KCNG3: variants seen among roughly 807,000 people sequenced by gnomAD.
KCNG3 encodes voltage-gated potassium channel regulatory subunit KCNG3.
A neutral mutation model predicts 29.0 loss-of-function variants in KCNG3; 15 were observed. The observed-to-expected ratio is 0.52, with a 90% confidence interval of 0.35 to 0.80. The LOEUF (loss-of-function observed/expected upper bound fraction) is 0.80, where lower values mean the gene tolerates loss of function less well. Among genes scored for constraint, KCNG3 ranks in the 30% least tolerant of loss-of-function variants. KCNG3 has a pLI of 0.01. For synonymous variants in KCNG3, 322 were observed against 248.9 expected (o/e 1.29, Z -2.76); for missense variants, 512 against 605.7 (o/e 0.85, Z 1.62).
the KCNG3 span, among the ~76,000 whole-genome samples, chr2:42,417,533 G>C: frequency 6.6e-6 from 1 of 152,082 alleles, no homozygotes; most frequent in Non-Finnish European, 1.5e-5. Context: ...TGTTGCCCAG[G>C]CTGGTCTTGA....
chr2:42,446,181 A>T (rs1301538019), intron 1 of KCNG3, among the ~76,000 whole-genome samples: 5 of 149,996 alleles, frequency 3.3e-5, no homozygotes, highest in Non-Finnish European at 5.9e-5. Context: ...AACATTTTTT[A>T]TTTTTTTTTA....
At chr2:42,472,953 G>A (rs1410147892) in intron 1 of KCNG3, among the ~76,000 whole-genome samples, 1 of 145,568 alleles carries the variant, frequency 6.9e-6, no homozygotes, top group Non-Finnish European at 1.5e-5. Flanking sequence ...CCAGGCTGGA[G>A]TGCAGTGGCG....
At chr2:42,410,626 C>T in the KCNG3 span, among the ~76,000 whole-genome samples, 1 of 152,014 alleles carries the variant, frequency 6.6e-6, no homozygotes, top group African/African-American at 2.4e-5. Context: ...TGTTCATATG[C>T]TTTGCTCATT....
At chr2:42,491,223 T>C (rs1468299042) in intron 1 of KCNG3, among the ~76,000 whole-genome samples, 1 of 152,208 alleles carries the variant, frequency 6.6e-6, no homozygotes, top group African/African-American at 2.4e-5. Context: ...CTAAAATTAC[T>C]ATGCATTTCT....
chr2:42,402,623 G>A, the KCNG3 span, among the ~76,000 whole-genome samples: 298 of 152,260 alleles, frequency 2.0e-3, no homozygotes, highest in African/African-American at 6.6e-3. Context: ...TCTTTTTATA[G>A]AAAGTCAATT....
chr2:42,433,812 A>G, the KCNG3 span, among the ~76,000 whole-genome samples: 1 of 152,070 alleles, frequency 6.6e-6, no homozygotes, highest in Non-Finnish European at 1.5e-5. Context: ...AGAAAAGGTA[A>G]TTTCTTCTCT....
the KCNG3 span, among the ~76,000 whole-genome samples, chr2:42,402,289 G>A: frequency 6.0e-4 from 91 of 152,284 alleles, 1 homozygote; most frequent in African/African-American, 2.1e-3. Flanking sequence ...GGGGCTTTTT[G>A]GACTCCAATA....
At chr2:42,486,359 C>G (rs1208184807) in intron 1 of KCNG3, among the ~76,000 whole-genome samples, 1 of 152,252 alleles carries the variant, frequency 6.6e-6, no homozygotes, top group East Asian at 1.9e-4. Context: ...GGTCCATATG[C>G]TCTCAGCTGC....
the KCNG3 span, among the ~76,000 whole-genome samples, chr2:42,395,580 T>C: frequency 3.9e-5 from 6 of 152,210 alleles, no homozygotes; most frequent in Admixed American, 1.3e-4. Context: ...TTGGATTGTA[T>C]GCATAAGCAC....
chr2:42,454,084 C>T (rs1324101999), intron 1 of KCNG3, among the ~76,000 whole-genome samples: 2 of 113,116 alleles, frequency 1.8e-5, no homozygotes, highest in Non-Finnish European at 3.5e-5. Context: ...ATGAGGATGG[C>T]TACTATACCA....
rs1306215445 is a variant in KCNG3, at chr2:42,452,240, TATA to T, written c.666-7664_666-7662del. ...TGGTAAATATATATATATATATATA[TATA>T]TTTTTTTTTTTTTTTTAAAGGAAAC... On this transcript the variant is annotated intron_variant, in intron 1 of 1. Transcript: ENST00000306078. Among the ~76,000 whole-genome samples the T allele has an allele frequency of 4.6e-3, 319 of 68,654 alleles. 2 individuals carry two copies. Among genetic ancestry groups the T allele is most frequent in the Middle Eastern group, 0.027 (4 of 146 alleles). 45.0% of individuals were successfully genotyped at this position (68,654 alleles called of 152,430 possible). A position where few individuals can be genotyped will look rare whatever the true frequency, so the allele number is the denominator to read the frequency against.
At chr2:42,452,243 A>ATATATATATATATATATATATATATATAT in intron 1 of KCNG3, among the ~76,000 whole-genome samples, 2 of 95,054 alleles carry the variant, frequency 2.1e-5, no homozygotes, top group Admixed American at 1.1e-4. Flanking sequence ...ATATATATAT[A>ATATATATATATATATATATATATATATAT]TTTTTTTTTT....
At chr2:42,486,264 T>G (rs1042956954) in intron 1 of KCNG3, among the ~76,000 whole-genome samples, 3 of 152,218 alleles carry the variant, frequency 2.0e-5, no homozygotes, top group African/African-American at 7.2e-5. Context: ...GTAGGTGAGC[T>G]GTCATTAATG....
chr2:42,471,352 C>T (rs1408749396), intron 1 of KCNG3, among the ~76,000 whole-genome samples: 1 of 152,098 alleles, frequency 6.6e-6, no homozygotes, highest in Non-Finnish European at 1.5e-5. Context: ...TAAAATACCA[C>T]ATGGATGAAT....
chr2:42,492,256 T>C (rs1673898302), intron 1 of KCNG3, among the ~76,000 whole-genome samples: 1 of 152,144 alleles, frequency 6.6e-6, no homozygotes, highest in African/African-American at 2.4e-5. Context: ...ACTCCATACT[T>C]TGTAGGAAAA....
chr2:42,471,834 T>C (rs1452779542), intron 1 of KCNG3, among the ~76,000 whole-genome samples: 1 of 141,712 alleles, frequency 7.1e-6, no homozygotes, highest in Non-Finnish European at 1.5e-5. Flanking sequence ...TAGTGAGCCA[T>C]GACTGCACCA....
At chr2:42,478,985 G>A (rs77134639) in intron 1 of KCNG3, among the ~76,000 whole-genome samples, 2,316 of 146,326 alleles carry the variant, frequency 0.016, 53 homozygotes, top group African/African-American at 0.055. Flanking sequence ...GGATTTTGGA[G>A]TATTTGCATA....
chr2:42,429,816 G>A, the KCNG3 span, among the ~76,000 whole-genome samples: 1 of 152,168 alleles, frequency 6.6e-6, no homozygotes, highest in Non-Finnish European at 1.5e-5. Flanking sequence ...TGGACCTCGA[G>A]TAGAGAAGAT....
chr2:42,411,361 A>G, the KCNG3 span, among the ~76,000 whole-genome samples: 1 of 152,204 alleles, frequency 6.6e-6, no homozygotes, highest in Non-Finnish European at 1.5e-5. Context: ...ATTAAGTTAG[A>G]GAACTGAAGT....
Sources: allele counts gnomAD v4.1 joint callset (sites outside exome capture counted in the v4.1 genomes callset), GRCh38; gene constraint gnomAD v4.1.1; transcripts MANE v1.5; gene names NCBI Gene and HGNC (gene_info 2026-07-23, HGNC 2026-07-21).